The following CDH12 variants were observed in gnomAD, a reference collection of about 807,000 sequenced individuals.
CDH12 encodes cadherin-12.
In CDH12, 41 loss-of-function variants were observed where a neutral mutation model predicts 74.1. That is an observed-to-expected ratio of 0.55 (90% CI 0.43 to 0.72). The LOEUF is 0.72. Among genes scored for constraint, CDH12 ranks in the 30% least tolerant of loss-of-function variants. CDH12 has a pLI of 0.00. For missense variants in CDH12, 945 were observed against 977.2 expected, an observed-to-expected ratio of 0.97 and a Z score of 0.44; for synonymous variants, 399 against 355.0, an observed-to-expected ratio of 1.12 and a Z score of -1.39.
At chr5:22,224,806 G>A (rs114369638) in intron 3 of CDH12, among the ~76,000 whole-genome samples, 3,819 of 150,928 alleles carry the variant, frequency 0.025, 70 homozygotes, top group African/African-American at 0.052. Context: ...AAACTTACAC[G>A]AGTTTTGATT....
intron 2 of CDH12, among the ~76,000 whole-genome samples, chr5:22,437,085 G>T (rs1744428011): frequency 6.6e-6 from 1 of 151,626 alleles, no homozygotes; most frequent in Non-Finnish European, 1.5e-5. Context: ...GAGAACAATT[G>T]TTCATCATTA....
rs1267959693 is a variant in CDH12 at position 22,610,142 on chromosome 5, G to A, written c.-522-104778C>T. ...GTTTTGTTCAATGGAAACTTCTCATGGTGACTATATATTCTCCTTGCTTTT... is the reference window on the plus strand; with the variant it reads ...GTTTTGTTCAATGGAAACTTCTCATAGTGACTATATATTCTCCTTGCTTTT... On this transcript the variant is annotated intron_variant, in intron 1 of 14. Transcript: ENST00000382254. 3.3e-5 allele frequency among the ~76,000 whole-genome samples: 5 copies of A among 152,274 alleles called. No homozygotes were observed. The East Asian group carries it at 7.7e-4, about 24-fold the overall frequency.
chr5:21,963,082 T>C (rs142540280), intron 6 of CDH12, among the ~76,000 whole-genome samples: 20 of 151,034 alleles, frequency 1.3e-4, no homozygotes, highest in African/African-American at 4.2e-4. Context: ...CTTTAAGCTA[T>C]TTACAAATAT....
chr5:21,881,513 G>T (rs574928259), intron 6 of CDH12, among the ~76,000 whole-genome samples: 166 of 152,110 alleles, frequency 1.1e-3, no homozygotes, highest in Non-Finnish European at 1.9e-3. Flanking sequence ...CCACCTCCAG[G>T]GAACAGAGAA....
intron 1 of CDH12, among the ~76,000 whole-genome samples, chr5:22,674,323 A>G (rs1325260142): frequency 6.6e-6 from 1 of 152,144 alleles, no homozygotes; most frequent in Admixed American, 6.6e-5. Flanking sequence ...GATTTTAAAA[A>G]GAGGAGTTTC....
chr5:22,839,747 C>T (rs533546304), intron 1 of CDH12, among the ~76,000 whole-genome samples: 1 of 152,286 alleles, frequency 6.6e-6, no homozygotes, highest in Non-Finnish European at 1.5e-5. Context: ...CATAAGTAGA[C>T]ACATGTTTGT....
At chr5:22,517,346 T>G (rs1157070108) in intron 1 of CDH12, among the ~76,000 whole-genome samples, 2 of 152,128 alleles carry the variant, frequency 1.3e-5, no homozygotes, top group Non-Finnish European at 2.9e-5. Flanking sequence ...ACTATAAAAT[T>G]TAGTCGTTTA....
At chr5:22,806,435 C>A (rs1385354881) in intron 1 of CDH12, among the ~76,000 whole-genome samples, 1 of 150,140 alleles carries the variant, frequency 6.7e-6, no homozygotes, top group African/African-American at 2.5e-5. Flanking sequence ...TCACTGCAAG[C>A]TCCGCCTCCC....
chr5:22,013,429 G>A (rs1464701955), intron 5 of CDH12, among the ~76,000 whole-genome samples: 2 of 151,812 alleles, frequency 1.3e-5, no homozygotes, highest in African/African-American at 4.8e-5. Flanking sequence ...ATTTGGGTGG[G>A]GACACAAAAC....
chr5:22,589,101 G>A (rs984689070), intron 1 of CDH12, among the ~76,000 whole-genome samples: 2 of 152,060 alleles, frequency 1.3e-5, no homozygotes, highest in Non-Finnish European at 2.9e-5. Flanking sequence ...CCCAATATGG[G>A]CTTGGCTGCA....
chr5:22,247,306 G>A (rs561666803), intron 3 of CDH12, among the ~76,000 whole-genome samples: 16 of 15,922 alleles, frequency 1.0e-3, no homozygotes, highest in South Asian at 6.2e-3. Context: ...TTGCTCCAAC[G>A]TCAATGAAGC....
rs762943124 is a variant in CDH12 at position 22,654,448 on chromosome 5, G to A, written c.-522-149084C>T. ...GGGATTACAGGCACCTGCCTCCACC[G>A]CCGGCTAATTGTGGTATTTTTAGTA... On this transcript the variant is annotated intron_variant, in intron 1 of 14. Coordinates refer to ENST00000382254, the MANE Select transcript of CDH12 (RefSeq NM_004061.5). 7.3e-5 allele frequency among the ~76,000 whole-genome samples: 11 copies of A among 151,146 alleles called. No individual in the cohort carries two copies. The Middle Eastern group carries it at 0.01, about 141-fold the overall frequency.
intron 1 of CDH12, among the ~76,000 whole-genome samples, chr5:22,563,065 GATTTATAT>G (rs1056843462): frequency 8.3e-5 from 12 of 145,430 alleles, no homozygotes; most frequent in African/African-American, 5.0e-5. Flanking sequence ...AATATATATA[GATTTATAT>G]ATTTATATAT....
chr5:22,663,360 G>A (rs1740444595), intron 1 of CDH12, among the ~76,000 whole-genome samples: 2 of 152,120 alleles, frequency 1.3e-5, no homozygotes, highest in Non-Finnish European at 2.9e-5. Flanking sequence ...GAAGCAGCTA[G>A]TTCTCACAGC....
At chr5:21,782,488 G>A (rs1745969165) in intron 11 of CDH12, among the ~76,000 whole-genome samples, 2 of 152,144 alleles carry the variant, frequency 1.3e-5, no homozygotes, top group Admixed American at 6.6e-5. Flanking sequence ...AATGCTCACA[G>A]CTATTCCCTG....
At chr5:22,132,362 C>A (rs1387200980) in intron 4 of CDH12, among the ~76,000 whole-genome samples, 1 of 151,882 alleles carries the variant, frequency 6.6e-6, no homozygotes, top group African/African-American at 2.4e-5. Flanking sequence ...GGAACTAGGG[C>A]AAATCCATGA....
intron 4 of CDH12, among the ~76,000 whole-genome samples, chr5:22,163,652 C>T (rs1436112272): frequency 6.6e-6 from 1 of 152,162 alleles, no homozygotes; most frequent in African/African-American, 2.4e-5. Context: ...ACATGAGACA[C>T]CATTGTCTCT....
chr5:21,855,624 A>G (rs1460375915), intron 6 of CDH12, among the ~76,000 whole-genome samples: 1 of 151,608 alleles, frequency 6.6e-6, no homozygotes, highest in East Asian at 1.9e-4. Context: ...ATAGACATAT[A>G]TATATATGTA....
intron 3 of CDH12, among the ~76,000 whole-genome samples, chr5:22,343,413 T>G (rs1363300861): frequency 6.6e-6 from 1 of 151,646 alleles, no homozygotes; most frequent in Non-Finnish European, 1.5e-5. Flanking sequence ...CTTTTTTCAT[T>G]CTGTTGTTGT....
Sources: allele counts gnomAD v4.1 joint callset (sites outside exome capture counted in the v4.1 genomes callset), GRCh38; gene constraint gnomAD v4.1.1; transcripts MANE v1.5; gene names NCBI Gene and HGNC (gene_info 2026-07-23, HGNC 2026-07-21).